The following FAAP100 variants were observed in gnomAD, a reference collection of about 807,000 sequenced individuals.
FAAP100 encodes the protein Fanconi anemia core complex-associated protein 100.
Under a neutral mutation model 65.8 loss-of-function variants are expected in FAAP100, and 46 were observed. The ratio of observed to expected loss-of-function variants is 0.70; its 90% CI spans 0.55 to 0.89. The LOEUF (loss-of-function observed/expected upper bound fraction) is 0.89. FAAP100 is among the 40% of genes least tolerant of loss of function. The probability of loss-of-function intolerance (pLI) is 0.00; values close to 1 mark genes in which losing one functional copy is unlikely to be tolerated. For synonymous variants in FAAP100, 663 were observed against 555.1 expected (o/e 1.19, Z -2.73); for missense variants, 1,165 against 1,196.7 (o/e 0.97, Z 0.39).
At position 81,547,043 on chromosome 17, in the gene FAAP100, A is replaced by T; in HGVS notation, c.2039T>A (p.Leu680Gln). The T allele has an allele frequency of 6.4e-7, 1 of 1,557,068 alleles. No homozygotes were observed. Residue 680 changes from leucine to glutamine, a missense_variant, in exon 5 of 9, where the codon CTG becomes CAG. Coordinates refer to ENST00000327787, the MANE Select transcript of FAAP100 (RefSeq NM_025161.6). ...GPTRDPVATF[L>Q]ETCREPGSQP... Reference sequence around the variant, plus strand: ...GCTGCCAGGCTCCCGACAAGTTTCCAGAAAAGTGGCCACAGGGTCTCGGGT... The same window carrying T: ...GCTGCCAGGCTCCCGACAAGTTTCCTGAAAAGTGGCCACAGGGTCTCGGGT...
intron 5 of FAAP100, chr17:81,546,600 A>G (rs1221809709): frequency 3.0e-6 from 1 of 330,864 alleles, no homozygotes; most frequent in Non-Finnish European, 5.4e-6. Flanking sequence ...CAGCAGAGAG[A>G]ACGCAGGCGA....
intron 7 of FAAP100, 52 bp downstream of exon 7, chr17:81,543,952 C>T (rs2033205427): frequency 5.9e-6 from 9 of 1,528,050 alleles, no homozygotes; most frequent in African/African-American, 1.4e-5. Context: ...ATGCAGGGAC[C>T]TTAGTGAGCG....
In FAAP100 at chr17:81,542,552, C is replaced by T. The variant is rs115333013; in HGVS notation, c.2428-1157G>A. Among the ~76,000 whole-genome samples the T allele has an allele frequency of 8.5e-3, 1,292 of 152,204 alleles. 21 individuals carry two copies. The highest frequency in any genetic ancestry group is 0.029 in the African/African-American group (1,218 of 41,546). ...ACTGTGTGCTGGGCAGGGTCCTGAT[C>T]ACTCCTGTTCCTGGGGCGGGCACCT... is the stretch of plus-strand genomic sequence containing the variant. On this transcript the variant is annotated intron_variant, in intron 7 of 8. Coordinates refer to ENST00000327787, the MANE Select transcript of FAAP100 (RefSeq NM_025161.6).
In FAAP100 at chr17:81,551,931, C is replaced by T; in HGVS notation, c.287G>A (p.Ser96Asn). ...YCLSLDHPGR[S>N]RSTSQDDRDS... ...GAGGCCGCGGGCCCGCCCTCACCTG[C>T]TCCTGCCCGGGTGGTCCAGCGACAG... is the stretch of plus-strand genomic sequence containing the variant. Residue 96 changes from serine (S) to asparagine (N), a missense_variant, in exon 2 of 9, where the codon AGC becomes AAC. Physicochemically the swap from Ser to Asn is conservative, Grantham distance 46. Coordinates refer to ENST00000327787, the MANE Select transcript of FAAP100 (RefSeq NM_025161.6). 1 of 1,554,448 alleles carries T rather than the reference C, an allele frequency of 6.4e-7. No individual in the cohort carries two copies. Among genetic ancestry groups the T allele is most frequent in the South Asian group, 1.2e-5 (1 of 85,058 alleles).
At chr17:81,544,380 G>C (rs2033220694) in intron 6 of FAAP100, among the ~76,000 whole-genome samples, 1 of 152,218 alleles carries the variant, frequency 6.6e-6, no homozygotes. Flanking sequence ...CCATCCCTCA[G>C]ACCTGTGGAA....
At position 81,550,805 on chromosome 17, in the gene FAAP100, C is replaced by A. The variant is rs745374743; in HGVS notation, c.689G>T (p.Gly230Val). The change falls in exon 3 of 9, where the codon GGA becomes GTA. Residue 230 changes from glycine (G) to valine (V), a missense_variant. By Grantham distance (109) the Gly-to-Val change is moderately radical (BLOSUM62 -3). Coordinates refer to ENST00000327787, the MANE Select transcript of FAAP100 (RefSeq NM_025161.6). ...LEDALFGLLF[G>V]ADATLLQSPV... The stretch of plus-strand genomic sequence containing the variant: ...TGACTGCAGGAGGGTGGCATCAGCT[C>A]CAAAGAGGAGCCCGAAGAGGGCGTC... 1.2e-6 allele frequency: 2 copies of A among 1,612,694 alleles called. No homozygotes were observed. Among genetic ancestry groups the A allele is most frequent in the Non-Finnish European group, 1.7e-6 (2 of 1,179,856 alleles).
At chr17:81,542,668 G>A (rs1007222810) in intron 7 of FAAP100, among the ~76,000 whole-genome samples, 3 of 152,212 alleles carry the variant, frequency 2.0e-5, no homozygotes, top group African/African-American at 7.2e-5. Flanking sequence ...CGCTGACTCA[G>A]GCCCCCCAGA....
chr17:81,552,354 G>A (rs2033529516), upstream of FAAP100: 1 of 1,338,534 alleles, frequency 7.5e-7, no homozygotes, highest in African/African-American at 1.5e-5. Context: ...CCGTCAGAGT[G>A]AGAAGCCCCG....
rs372516549 is a variant in FAAP100 at position 81,547,709 on chromosome 17, G to A, written c.1404-31C>T. ...AAGGACAGACATGACCCCCGGGAGC[G>A]GGGGGACACCCACAGCACCAGGTGC... On this transcript the variant is annotated intron_variant, in intron 4 of 8. Coordinates refer to ENST00000327787, the MANE Select transcript of FAAP100 (RefSeq NM_025161.6). 94 of 1,601,388 alleles carry A rather than the reference G, an allele frequency of 5.9e-5. No homozygotes were observed. In the Middle Eastern group the frequency reaches 1.3e-3, roughly 23 times the overall value.
At position 81,540,926 on chromosome 17, in the gene FAAP100, G is replaced by A. The variant is rs1163279599; in HGVS notation, c.2539C>T (p.Leu847=). The change falls in exon 9 of 9, where the codon CTG becomes TTG. Residue 847 remains leucine (L), a synonymous_variant. Transcript: ENST00000327787. ...HETLLREVQT[L]RDRLCTEDEA... is the part of the protein sequence containing the mutation. ...TCCTCCGTGCAGAGCCGGTCGCGCAGGGTCTGCACCTCCCGCAGCAGTGTC... is the reference window on the plus strand; with the variant it reads ...TCCTCCGTGCAGAGCCGGTCGCGCAAGGTCTGCACCTCCCGCAGCAGTGTC... 6.3e-7 allele frequency: 1 copy of A among 1,591,186 alleles called. No homozygotes were observed. Among genetic ancestry groups the A allele is most frequent in the East Asian group, 2.3e-5 (1 of 44,296 alleles).
At position 81,549,266 on chromosome 17, in the gene FAAP100, G is replaced by A; in HGVS notation, c.1343C>T (p.Thr448Ile). The A allele has an allele frequency of 1.2e-6, 2 of 1,613,230 alleles. No homozygotes were observed. Among genetic ancestry groups the A allele is most frequent in the Non-Finnish European group, 1.7e-6 (2 of 1,180,014 alleles). ...SEMPGPARMT[T>I]ESAGQKIKEL... ...CTTTATTTTCTGACCTGCACTCTCTGTGGTCATCCTGGCTGGGCCAGGCAT... is the reference window on the plus strand; with the variant it reads ...CTTTATTTTCTGACCTGCACTCTCTATGGTCATCCTGGCTGGGCCAGGCAT... Residue 448 changes from threonine (T) to isoleucine (I), a missense_variant, in exon 4 of 9, where the codon ACA becomes ATA. Physicochemically the swap from Thr to Ile is moderately conservative, Grantham distance 89 (BLOSUM62 -1). Transcript: ENST00000327787.
intron 3 of FAAP100, among the ~76,000 whole-genome samples, chr17:81,550,033 A>T (rs2033433570): frequency 6.6e-6 from 1 of 152,186 alleles, no homozygotes. Context: ...GCCCAGGGCC[A>T]CACCCTAGAC....
intron 7 of FAAP100, among the ~76,000 whole-genome samples, chr17:81,543,633 C>T (rs999760684): frequency 6.6e-6 from 1 of 152,162 alleles, no homozygotes; most frequent in Admixed American, 6.5e-5. Context: ...GGATCCACGC[C>T]CAGGCCACGG....
intron 4 of FAAP100, chr17:81,547,919 G>T (rs1245528873): frequency 9.9e-6 from 7 of 706,360 alleles, no homozygotes; most frequent in Non-Finnish European, 1.8e-5. Context: ...TGGGCCACAG[G>T]AGGAAAGAGG....
intron 2 of FAAP100, 121 bp from the exon 3 acceptor site, chr17:81,551,324 T>A (rs995738208): frequency 3.3e-5 from 32 of 975,262 alleles, no homozygotes; most frequent in Non-Finnish European, 4.4e-5. Context: ...CCAAGGCCGC[T>A]CAGCAGTCCA....
chr17:81,551,942 G>T lies in FAAP100; in HGVS notation c.276C>A (p.His92Gln). The change falls in exon 2 of 9, where the codon CAC becomes CAA. Residue 92 changes from histidine to glutamine, a missense_variant. By Grantham distance (24) the His-to-Gln change is conservative. Coordinates refer to ENST00000327787, the MANE Select transcript of FAAP100 (RefSeq NM_025161.6). ...CCCGCCCTCACCTGCTCCTGCCCGGGTGGTCCAGCGACAGGCAGTAGAGGC... is the reference window on the plus strand; with the variant it reads ...CCCGCCCTCACCTGCTCCTGCCCGGTTGGTCCAGCGACAGGCAGTAGAGGC... Reference protein sequence around the residue: ...RRGLYCLSLDHPGRSRSTSQD... With the variant: ...RRGLYCLSLDQPGRSRSTSQD... 1 of 1,559,884 alleles carries T rather than the reference G, an allele frequency of 6.4e-7. No homozygotes were observed. Among genetic ancestry groups the T allele is most frequent in the South Asian group, 1.2e-5 (1 of 85,534 alleles).
intron 7 of FAAP100, among the ~76,000 whole-genome samples, chr17:81,543,695 A>C (rs2033196772): frequency 6.6e-6 from 1 of 152,098 alleles, no homozygotes; most frequent in African/African-American, 2.4e-5. Context: ...CCTTGGGCTG[A>C]CCTCGCAGGT....
chr17:81,547,318 C>T lies in FAAP100; in HGVS notation c.1764G>A (p.Glu588=). The T allele has an allele frequency of 1.9e-6, 3 of 1,612,586 alleles. No homozygotes were observed. The highest frequency in any genetic ancestry group is 2.5e-6 in the Non-Finnish European group (3 of 1,179,824). The stretch of plus-strand genomic sequence containing the variant: ...TCACGGGCAGGTCGAGCCCGCCGTT[C>T]TCACCAGGGCCCAGGGGTAGCGTCA... ...REVTLPLGPG[E]NGGLDLPVTV... Residue 588 remains glutamate (E), a synonymous_variant, in exon 5 of 9, where the codon GAG becomes GAA. Transcript: ENST00000327787.
intron 7 of FAAP100, among the ~76,000 whole-genome samples, chr17:81,542,200 A>AATATATATATATATATATAT (rs760595551): frequency 3.7e-5 from 1 of 27,224 alleles, no homozygotes; most frequent in South Asian, 2.1e-3. Flanking sequence ...AAAAAAAAAA[A>AATATATATATATATATATAT]ATATATATAT....
Sources: allele counts gnomAD v4.1 joint callset (sites outside exome capture counted in the v4.1 genomes callset), GRCh38; gene constraint gnomAD v4.1.1; transcripts MANE v1.5; gene names NCBI Gene and HGNC (gene_info 2026-07-23, HGNC 2026-07-21).